The following GRAMD1B variants were observed in gnomAD, a reference collection of about 807,000 sequenced individuals.
GRAMD1B encodes the protein protein Aster-B.
In GRAMD1B, 37 loss-of-function variants were observed where a neutral mutation model predicts 99.7. The ratio of observed to expected loss-of-function variants is 0.37; its 90% CI spans 0.29 to 0.49. The LOEUF (loss-of-function observed/expected upper bound fraction) is 0.49, where lower values mean the gene tolerates loss of function less well. GRAMD1B is among the 20% of genes least tolerant of loss of function. The pLI is 0.98. For missense variants in GRAMD1B, 888 were observed against 1,009.2 expected (o/e 0.88, Z 1.63); for synonymous variants, 427 against 387.6 (o/e 1.10, Z -1.19).
At chr11:123,606,883 T>A in intron 11 of GRAMD1B, 85 bp downstream of exon 11, 1 of 1,029,086 alleles carries the variant, frequency 9.7e-7, no homozygotes, top group Non-Finnish European at 1.5e-6. Context: ...CTGTAGTTAG[T>A]CTCTAGGTTC....
chr11:123,611,033 C>T (rs765570845), intron 14 of GRAMD1B, among the ~76,000 whole-genome samples: 4 of 152,170 alleles, frequency 2.6e-5, no homozygotes, highest in African/African-American at 4.8e-5. Context: ...AGACTGTTTA[C>T]CTGTACCTTA....
At chr11:123,553,115 G>T (rs1183716237) in intron 2 of GRAMD1B, among the ~76,000 whole-genome samples, 1 of 152,164 alleles carries the variant, frequency 6.6e-6, no homozygotes, top group Non-Finnish European at 1.5e-5. Flanking sequence ...TGTTTAGTTG[G>T]TTATGTAAAA....
upstream of GRAMD1B, among the ~76,000 whole-genome samples, chr11:123,429,978 T>G (rs1190315936): frequency 6.6e-6 from 1 of 152,136 alleles, no homozygotes; most frequent in Non-Finnish European, 1.5e-5. The surrounding 1 kb of genome is among the most constrained non-coding windows in gnomAD (Gnocchi z 4.0). Flanking sequence ...ATTCATTGAC[T>G]CCCCTTTCTC....
intron 1 of GRAMD1B, among the ~76,000 whole-genome samples, chr11:123,423,733 G>A (rs1591491988): frequency 6.6e-6 from 1 of 152,284 alleles, no homozygotes; most frequent in East Asian, 1.9e-4. Flanking sequence ...ACTTTAAAAA[G>A]TATAAGTTTT....
intron 4 of GRAMD1B, among the ~76,000 whole-genome samples, chr11:123,590,221 C>T (rs759812936): frequency 3.0e-4 from 46 of 152,204 alleles, no homozygotes; most frequent in Non-Finnish European, 4.9e-4. Flanking sequence ...GATCCCGAAG[C>T]TGTTGATCTC....
chr11:123,578,032 G>T (rs1322924970), intron 3 of GRAMD1B, among the ~76,000 whole-genome samples: 2 of 152,024 alleles, frequency 1.3e-5, no homozygotes, highest in Admixed American at 1.3e-4. Flanking sequence ...TAATCCACTT[G>T]GTACTCACCT....
At chr11:123,481,195 C>T (rs562771781) in intron 2 of GRAMD1B, among the ~76,000 whole-genome samples, 1 of 152,084 alleles carries the variant, frequency 6.6e-6, no homozygotes, top group African/African-American at 2.4e-5. Flanking sequence ...TGGCTCACAC[C>T]GGCAATCTCA....
chr11:123,452,457 C>G (rs931025568), intron 1 of GRAMD1B, among the ~76,000 whole-genome samples: 1 of 152,028 alleles, frequency 6.6e-6, no homozygotes, highest in Non-Finnish European at 1.5e-5. Flanking sequence ...ACCAGCCTGG[C>G]CAACATGGTG....
intron 2 of GRAMD1B, among the ~76,000 whole-genome samples, chr11:123,482,953 G>A (rs945928955): frequency 7.2e-5 from 11 of 151,942 alleles, no homozygotes; most frequent in African/African-American, 2.2e-4. Flanking sequence ...TAGCTACTCC[G>A]GAGGCTGAGG....
chr11:123,540,343 C>T (rs1017713678), intron 2 of GRAMD1B, among the ~76,000 whole-genome samples: 4 of 152,040 alleles, frequency 2.6e-5, no homozygotes, highest in Non-Finnish European at 4.4e-5. Flanking sequence ...GGCTCCCAAA[C>T]AGTTGGGATT....
At chr11:123,617,261 C>T (rs1476629817) in intron 17 of GRAMD1B, among the ~76,000 whole-genome samples, 1 of 150,306 alleles carries the variant, frequency 6.7e-6, no homozygotes, top group East Asian at 2.0e-4. Context: ...TCAGCTCACT[C>T]TAACTTCCCC....
At chr11:123,606,926 CA>C in intron 11 of GRAMD1B, 128 bp downstream of exon 11, 1 of 654,348 alleles carries the variant, frequency 1.5e-6, no homozygotes, top group African/African-American at 1.8e-5. Flanking sequence ...GCTTCCTTAA[CA>C]AAAGGTACCT....
At position 123,528,150 on chromosome 11, in the gene GRAMD1B, T is replaced by C. The variant is rs555862037; in HGVS notation, c.452+47257T>C. ...CTCCCTTTGGCAGTATCCCAACTGG[T>C]ACTCCCTACTCTCTGGTACTCAGGT... On this transcript the variant is annotated intron_variant, in intron 2 of 19. Coordinates refer to ENST00000635736, the MANE Select transcript of GRAMD1B (RefSeq NM_001387025.1). Among the ~76,000 whole-genome samples, 5 of 152,226 alleles carry C rather than the reference T, an allele frequency of 3.3e-5. No individual in the cohort carries two copies. In the South Asian group the frequency reaches 1.0e-3, roughly 32 times the overall value.
At chr11:123,374,577 C>CA (rs1423439985) in intron 1 of GRAMD1B, among the ~76,000 whole-genome samples, 4 of 152,230 alleles carry the variant, frequency 2.6e-5, no homozygotes, top group South Asian at 4.1e-4. Context: ...ACTGACCCTA[C>CA]AGGCATTATA....
chr11:123,359,754 A>G (rs1379821551), intron 1 of GRAMD1B, among the ~76,000 whole-genome samples: 2 of 152,150 alleles, frequency 1.3e-5, no homozygotes, highest in African/African-American at 2.4e-5. Context: ...CTAGGAAATA[A>G]TAATTTTTAA....
chr11:123,471,540 C>A (rs1292683410), intron 1 of GRAMD1B, among the ~76,000 whole-genome samples: 1 of 152,014 alleles, frequency 6.6e-6, no homozygotes, highest in Admixed American at 6.6e-5. Flanking sequence ...GAGAGTAATG[C>A]CAGAGAATGC....
intron 2 of GRAMD1B, among the ~76,000 whole-genome samples, chr11:123,547,855 A>G (rs1945167932): frequency 6.6e-6 from 1 of 152,102 alleles, no homozygotes; most frequent in Non-Finnish European, 1.5e-5. Flanking sequence ...CAAGGCCCAC[A>G]TGTGTTAATT....
intron 2 of GRAMD1B, among the ~76,000 whole-genome samples, chr11:123,508,985 G>C (rs747021236): frequency 7.9e-5 from 12 of 152,046 alleles, no homozygotes; most frequent in Admixed American, 7.9e-4. Context: ...GTGCCTGGCC[G>C]TGCCTTCTTT....
chr11:123,431,384 C>T (rs1169829726), intron 1 of GRAMD1B, among the ~76,000 whole-genome samples: 1 of 152,262 alleles, frequency 6.6e-6, no homozygotes, highest in Non-Finnish European at 1.5e-5. Context: ...CTTCATGTTG[C>T]ACGACACGTT....
Sources: allele counts gnomAD v4.1 joint callset (sites outside exome capture counted in the v4.1 genomes callset), GRCh38; gene constraint gnomAD v4.1.1; non-coding constraint Gnocchi (gnomAD v3.1); transcripts MANE v1.5; gene names NCBI Gene and HGNC (gene_info 2026-07-23, HGNC 2026-07-21).